The following ALOX5AP variants were observed in gnomAD, a reference collection of about 807,000 sequenced individuals.
ALOX5AP encodes the protein arachidonate 5-lipoxygenase-activating protein.
In ALOX5AP, 9 loss-of-function variants were observed where a neutral mutation model predicts 18.5. That is an observed-to-expected ratio of 0.49 (90% CI 0.29 to 0.85). ALOX5AP has a LOEUF of 0.85. Among genes scored for constraint, ALOX5AP ranks in the 40% least tolerant of loss-of-function variants. The probability of loss-of-function intolerance (pLI) is 0.08; values close to 1 mark genes in which losing one functional copy is unlikely to be tolerated. For synonymous variants in ALOX5AP, 81 were observed against 78.6 expected (o/e 1.03, Z -0.16); for missense variants, 172 against 202.5 (o/e 0.85, Z 0.91).
intron 2 of ALOX5AP, among the ~76,000 whole-genome samples, chr13:30,747,043 C>A (rs940505804): frequency 1.3e-5 from 2 of 152,262 alleles, no homozygotes; most frequent in African/African-American, 4.8e-5. Context: ...GCCAGTGTGG[C>A]TCATCGGCTC....
intron 1 of ALOX5AP, among the ~76,000 whole-genome samples, chr13:30,729,873 GC>G (rs1367289060): frequency 6.6e-6 from 1 of 152,196 alleles, no homozygotes; most frequent in African/African-American, 2.4e-5. Flanking sequence ...ACCGTGCCCG[GC>G]CTTAACCTTT....
chr13:30,764,150 C>T lies in ALOX5AP; in HGVS notation c.*44C>T, dbSNP rs757116663. The T allele has an allele frequency of 9.5e-6, 15 of 1,573,546 alleles. No homozygotes were observed. On this transcript the variant is annotated 3_prime_UTR_variant, in exon 5 of 5. Coordinates refer to ENST00000380490, the MANE Select transcript of ALOX5AP (RefSeq NM_001629.4). ...GTTGGTGTTCTCATCTAATCAATACCTACAAGTCATCATAATTCAGCTCTT... is the reference window on the plus strand; with the variant it reads ...GTTGGTGTTCTCATCTAATCAATACTTACAAGTCATCATAATTCAGCTCTT...
chr13:30,739,981 T>A (rs571759427), intron 1 of ALOX5AP, among the ~76,000 whole-genome samples: 2 of 152,368 alleles, frequency 1.3e-5, no homozygotes, highest in South Asian at 4.1e-4. Context: ...GTCCTGGTGC[T>A]GTTCCCTAAA....
intron 2 of ALOX5AP, among the ~76,000 whole-genome samples, chr13:30,746,761 T>C (rs765034427): frequency 2.6e-5 from 4 of 152,250 alleles, no homozygotes; most frequent in African/African-American, 4.8e-5. Context: ...CATGAAGCTT[T>C]CCTCATTTTT....
chr13:30,754,174 G>T (rs1951873823), intron 3 of ALOX5AP, among the ~76,000 whole-genome samples: 1 of 152,224 alleles, frequency 6.6e-6, no homozygotes, highest in Non-Finnish European at 1.5e-5. Context: ...GGGAGGCGGA[G>T]GTTGCGGTGA....
Position 30,735,553 on chromosome 13 carries a change from C to A in ALOX5AP, c.-53C>A, listed in dbSNP as rs1254367940. 10 of 1,610,710 alleles carry A rather than the reference C, an allele frequency of 6.2e-6. No homozygotes were observed. The African/African-American group carries it at 1.3e-4, about 22-fold the overall frequency. On this transcript the variant is annotated 5_prime_UTR_variant, in exon 1 of 5. Coordinates refer to ENST00000380490, the MANE Select transcript of ALOX5AP (RefSeq NM_001629.4). ...TCTCACTTCCCCTTCCTGTACAGGG[C>A]AGGTTGTGCAGCTGGAGGCAGAGCA...
chr13:30,736,136 C>T (rs1302488657), intron 1 of ALOX5AP, among the ~76,000 whole-genome samples: 4 of 152,106 alleles, frequency 2.6e-5, no homozygotes, highest in South Asian at 2.1e-4. Flanking sequence ...TTGGGAGGTG[C>T]GTAGAAAAAA....
chr13:30,726,824 C>T (rs1951643014), intron 1 of ALOX5AP, among the ~76,000 whole-genome samples: 1 of 151,946 alleles, frequency 6.6e-6, no homozygotes, highest in Admixed American at 6.6e-5. Context: ...CACCACCATA[C>T]CCAGCTGACC....
At chr13:30,716,980 G>A (rs1305013112) in intron 1 of ALOX5AP, among the ~76,000 whole-genome samples, 1 of 152,206 alleles carries the variant, frequency 6.6e-6, no homozygotes. Flanking sequence ...CACAGGGAGT[G>A]TTCCCCACCA....
At chr13:30,717,448 CT>C (rs1193992142) in intron 1 of ALOX5AP, among the ~76,000 whole-genome samples, 1 of 152,184 alleles carries the variant, frequency 6.6e-6, no homozygotes, top group African/African-American at 2.4e-5. Flanking sequence ...AGCCTAAACC[CT>C]CCTTCTCCCA....
At chr13:30,759,652 C>T (rs1951925032) in intron 4 of ALOX5AP, among the ~76,000 whole-genome samples, 1 of 152,202 alleles carries the variant, frequency 6.6e-6, no homozygotes, top group African/African-American at 2.4e-5. Flanking sequence ...CATTTCTCCT[C>T]CTCAGCATCA....
chr13:30,719,674 G>T (rs774909215), intron 1 of ALOX5AP, among the ~76,000 whole-genome samples: 1 of 152,218 alleles, frequency 6.6e-6, no homozygotes, highest in East Asian at 1.9e-4. Flanking sequence ...CTTTTGCTAT[G>T]TCATAGGTTG....
Position 30,746,230 on chromosome 13 carries a change from G to A in ALOX5AP, c.170+2071G>A, listed in dbSNP as rs17245155. Among the ~76,000 whole-genome samples the A allele has an allele frequency of 6.2e-3, 949 of 152,352 alleles. 3 individuals carry two copies. Among genetic ancestry groups the A allele is most frequent in the Non-Finnish European group, 0.011 (736 of 68,030 alleles). ...TGTGGGGTGCCAGAGATTAAAAAGC[G>A]TAAGAGGAGAGTGGAAAGTGATTGT... On this transcript the variant is annotated intron_variant, in intron 2 of 4. Coordinates refer to ENST00000380490, the MANE Select transcript of ALOX5AP (RefSeq NM_001629.4).
intron 3 of ALOX5AP, among the ~76,000 whole-genome samples, chr13:30,752,334 C>T (rs1369967642): frequency 6.6e-6 from 1 of 152,214 alleles, no homozygotes; most frequent in Non-Finnish European, 1.5e-5. Context: ...TGCTTGCTCC[C>T]TGGTGGCTGG....
At chr13:30,740,037 G>A (rs4503649) in intron 1 of ALOX5AP, among the ~76,000 whole-genome samples, 33,664 of 152,104 alleles carry the variant, frequency 0.22, 4,061 homozygotes, top group East Asian at 0.36. Context: ...AGTGTCAGCT[G>A]TAATATCCCC....
chr13:30,737,411 G>T (rs1011434292), intron 1 of ALOX5AP, among the ~76,000 whole-genome samples: 6 of 152,202 alleles, frequency 3.9e-5, no homozygotes, highest in African/African-American at 1.4e-4. Flanking sequence ...GAGGTGAGTG[G>T]TGAGATTTCG....
At chr13:30,744,302 C>T in intron 2 of ALOX5AP, 143 bp downstream of exon 2, 1 of 676,904 alleles carries the variant, frequency 1.5e-6, no homozygotes, top group Non-Finnish European at 2.6e-6. Context: ...TTGGACTTCA[C>T]CAGAGAGGCT....
chr13:30,755,840 T>A, intron 3 of ALOX5AP, 104 bp from the exon 4 acceptor site: 1 of 1,093,390 alleles, frequency 9.1e-7, no homozygotes, highest in Non-Finnish European at 1.4e-6. Flanking sequence ...GAAGTGCGTG[T>A]GTCTTCTGCT....
At chr13:30,758,441 T>C (rs1009101513) in intron 4 of ALOX5AP, among the ~76,000 whole-genome samples, 3 of 152,208 alleles carry the variant, frequency 2.0e-5, no homozygotes, top group Non-Finnish European at 2.9e-5. Flanking sequence ...ATTTCTCTCT[T>C]GAACCCCAGA....
Sources: allele counts gnomAD v4.1 joint callset (sites outside exome capture counted in the v4.1 genomes callset), GRCh38; gene constraint gnomAD v4.1.1; transcripts MANE v1.5; gene names NCBI Gene and HGNC (gene_info 2026-07-23, HGNC 2026-07-21).